CELF2: variants seen among roughly 807,000 people sequenced by gnomAD.
CELF2 encodes CUG triplet repeat RNA-binding protein 2.
A neutral mutation model predicts 62.6 loss-of-function variants in CELF2; 8 were observed. The ratio of observed to expected loss-of-function variants is 0.13; its 90% CI spans 0.07 to 0.23. The LOEUF (loss-of-function observed/expected upper bound fraction) is 0.23. Ranked by LOEUF, CELF2 falls within the 10% of genes least tolerant of loss-of-function variation. The probability of loss-of-function intolerance (pLI) is 1.00; values close to 1 mark genes in which losing one functional copy is unlikely to be tolerated. For synonymous variants in CELF2, 258 were observed against 250.0 expected (o/e 1.03, Z -0.30); for missense variants, 333 against 671.0 (o/e 0.50, Z 5.56).
At chr10:11,067,359 C>T (rs570490526) in intron 1 of CELF2, among the ~76,000 whole-genome samples, 73 of 152,272 alleles carry the variant, frequency 4.8e-4, no homozygotes, top group African/African-American at 1.7e-3. Flanking sequence ...GCAGGTCGTC[C>T]ATTGGGGAAC....
At chr10:10,910,280 C>A (rs1250224636) in intron 1 of CELF2, among the ~76,000 whole-genome samples, 3 of 152,216 alleles carry the variant, frequency 2.0e-5, no homozygotes, top group African/African-American at 7.2e-5. Flanking sequence ...AATAATTCAG[C>A]AATATTAACT....
Position 11,311,200 on chromosome 10 carries a change from CA to C in CELF2, c.977-2938del, listed in dbSNP as rs1245940359. 6.6e-6 allele frequency among the ~76,000 whole-genome samples: 1 copy of C among 152,156 alleles called. No individual in the cohort carries two copies. The highest frequency in any genetic ancestry group is 1.5e-5 in the Non-Finnish European group (1 of 68,038). On this transcript the variant is annotated intron_variant, in intron 9 of 12. Coordinates refer to ENST00000633077, the MANE Select transcript of CELF2 (RefSeq NM_001326342.2). The surrounding 1 kb of genome is among the most constrained non-coding windows in gnomAD (Gnocchi z 4.7). ...CTCAAAACATAGTGCTGGGTAGGGCCAGGGGAATTTCCCTCTGAGAATTCAT... is the reference window on the plus strand; with the variant it reads ...CTCAAAACATAGTGCTGGGTAGGGCCGGGGAATTTCCCTCTGAGAATTCAT...
chr10:10,879,546 C>G (rs940410919), intron 1 of CELF2, among the ~76,000 whole-genome samples: 14 of 152,168 alleles, frequency 9.2e-5, no homozygotes, highest in African/African-American at 2.9e-4. Context: ...CCAGAAAGTC[C>G]TGTGATTAAA....
At chr10:11,326,784 G>A (rs12268544) in intron 12 of CELF2, among the ~76,000 whole-genome samples, 53,559 of 152,020 alleles carry the variant, frequency 0.35, 9,954 homozygotes, top group African/African-American at 0.45. Flanking sequence ...TTGAGTTAGA[G>A]TATTTGCTTT....
At chr10:11,317,241 T>C (rs1227451623) in intron 10 of CELF2, 4 of 152,014 alleles carry the variant, frequency 2.6e-5, no homozygotes, top group African/African-American at 9.7e-5. Flanking sequence ...TTCTGTGAAG[T>C]AGAGAAAAGA....
the CELF2 span, among the ~76,000 whole-genome samples, chr10:10,528,078 A>T: frequency 6.6e-6 from 1 of 152,210 alleles, no homozygotes; most frequent in African/African-American, 2.4e-5. Context: ...ATCCTGCAAC[A>T]TTCTTAACCA....
At chr10:11,141,379 A>G (rs1006983501) in intron 1 of CELF2, among the ~76,000 whole-genome samples, 1 of 152,254 alleles carries the variant, frequency 6.6e-6, no homozygotes, top group African/African-American at 2.4e-5. Context: ...AGTCAGGAGC[A>G]GAGACTCGGA....
chr10:10,614,948 G>A, the CELF2 span, among the ~76,000 whole-genome samples: 1 of 151,964 alleles, frequency 6.6e-6, no homozygotes, highest in Admixed American at 6.5e-5. Flanking sequence ...AAGCAATCAG[G>A]TCATGGGAAT....
chr10:11,160,719 C>T (rs774628815), intron 1 of CELF2, among the ~76,000 whole-genome samples: 25 of 149,636 alleles, frequency 1.7e-4, no homozygotes, highest in Admixed American at 1.0e-3. Context: ...TCTATCTTTA[C>T]GCACAATTTT....
At chr10:10,777,474 T>G in the CELF2 span, among the ~76,000 whole-genome samples, 3 of 152,184 alleles carry the variant, frequency 2.0e-5, no homozygotes, top group Non-Finnish European at 2.9e-5. Context: ...TCTATCTCCT[T>G]CATCCTCAAC....
At chr10:11,265,090 G>A (rs2081824224) in intron 5 of CELF2, among the ~76,000 whole-genome samples, 1 of 152,218 alleles carries the variant, frequency 6.6e-6, no homozygotes, top group Non-Finnish European at 1.5e-5. Context: ...ATTAAAAGGT[G>A]CCGCTACAGT....
rs527628524 is a variant in CELF2 at position 11,330,117 on chromosome 10, C to T, written c.*1064C>T. On this transcript the variant is annotated 3_prime_UTR_variant, in exon 13 of 13. Coordinates refer to ENST00000633077, the MANE Select transcript of CELF2 (RefSeq NM_001326342.2). This position sits in a 1 kb window ranked among gnomAD's most constrained non-coding sequence, Gnocchi z 4.5. ...TGCTTTATCCTCTCGTTGTTTGTAT[C>T]TGTCTGATTATTTTGTTTGTAACTT... 1 of 152,686 alleles carries T rather than the reference C, an allele frequency of 6.5e-6. No individual in the cohort carries two copies. The highest frequency in any genetic ancestry group is 2.1e-4 in the South Asian group (1 of 4,814). 9.5% of individuals were successfully genotyped at this position (152,686 alleles called of 1,614,324 possible).
At chr10:10,556,562 T>A in the CELF2 span, among the ~76,000 whole-genome samples, 1 of 152,224 alleles carries the variant, frequency 6.6e-6, no homozygotes, top group Non-Finnish European at 1.5e-5. Context: ...ATGGGATGGC[T>A]GGGTCAAATG....
intron 2 of CELF2, among the ~76,000 whole-genome samples, chr10:10,980,485 C>T (rs2051954095): frequency 6.6e-6 from 1 of 152,224 alleles, no homozygotes; most frequent in Admixed American, 6.5e-5. Flanking sequence ...TTTCCACATG[C>T]TGCTCAGCTC....
chr10:10,696,871 T>C, the CELF2 span, among the ~76,000 whole-genome samples: 4 of 152,170 alleles, frequency 2.6e-5, no homozygotes, highest in East Asian at 1.9e-4. Context: ...CAATGACCTA[T>C]GCCCACTGTC....
chr10:11,006,293 G>C (rs1370289865), intron 1 of CELF2, among the ~76,000 whole-genome samples: 3 of 151,986 alleles, frequency 2.0e-5, no homozygotes, highest in East Asian at 1.9e-4. Flanking sequence ...AATCTTGTTT[G>C]TATAGACTAT....
chr10:10,834,311 G>C (rs1463140986), intron 1 of CELF2, among the ~76,000 whole-genome samples: 1 of 152,176 alleles, frequency 6.6e-6, no homozygotes, highest in African/African-American at 2.4e-5. Context: ...GCCTATCAGA[G>C]GGTGGAGGTT....
chr10:10,764,705 A>G, the CELF2 span, among the ~76,000 whole-genome samples: 1 of 152,206 alleles, frequency 6.6e-6, no homozygotes, highest in Non-Finnish European at 1.5e-5. Context: ...CTTATAAATC[A>G]TCATGCCAAT....
the CELF2 span, among the ~76,000 whole-genome samples, chr10:10,592,594 T>A: frequency 1.3e-5 from 2 of 152,148 alleles, no homozygotes; most frequent in Non-Finnish European, 2.9e-5. Context: ...TCATATCTTA[T>A]AAGATAAGAC....
Sources: allele counts gnomAD v4.1 joint callset (sites outside exome capture counted in the v4.1 genomes callset), GRCh38; gene constraint gnomAD v4.1.1; non-coding constraint Gnocchi (gnomAD v3.1); transcripts MANE v1.5; gene names NCBI Gene and HGNC (gene_info 2026-07-23, HGNC 2026-07-21).